Variants in CCDC126 observed in about 807,000 individuals in gnomAD.
CCDC126 encodes the protein coiled-coil domain-containing protein 126.
In CCDC126, 5 loss-of-function variants were observed where a neutral mutation model predicts 11.7. The observed-to-expected ratio is 0.43, with a 90% confidence interval of 0.22 to 0.90. The LOEUF (loss-of-function observed/expected upper bound fraction) is 0.90. Among genes scored for constraint, CCDC126 ranks in the 40% least tolerant of loss-of-function variants. The pLI, the probability that CCDC126 is intolerant of heterozygous loss-of-function variation, is 0.27. For synonymous variants in CCDC126, 60 were observed against 61.9 expected, an observed-to-expected ratio of 0.97 and a Z score of 0.14; for missense variants, 150 against 163.1, an observed-to-expected ratio of 0.92 and a Z score of 0.44.
At chr7:23,605,892 G>A (rs897463495) in intron 2 of CCDC126, among the ~76,000 whole-genome samples, 1 of 152,088 alleles carries the variant, frequency 6.6e-6, no homozygotes. Context: ...ATGCCATACT[G>A]TCTTCCCCAG....
intron 3 of CCDC126, among the ~76,000 whole-genome samples, chr7:23,624,528 A>G (rs909308136): frequency 5.9e-5 from 9 of 152,214 alleles, no homozygotes; most frequent in South Asian, 2.1e-4. Flanking sequence ...GCATTTGGCT[A>G]TATATTTTCT....
chr7:23,628,479 C>G (rs574216264), intron 3 of CCDC126, among the ~76,000 whole-genome samples: 289 of 152,328 alleles, frequency 1.9e-3, no homozygotes, highest in Middle Eastern at 0.01. Flanking sequence ...CAGCTCTCCT[C>G]TAGCCAAACA....
chr7:23,613,017 A>G (rs1782742752), intron 3 of CCDC126, among the ~76,000 whole-genome samples: 1 of 152,126 alleles, frequency 6.6e-6, no homozygotes, highest in South Asian at 2.1e-4. Flanking sequence ...TGTTTGTTTA[A>G]TTAAAAGTTA....
chr7:23,643,131 T>C lies in CCDC126; in HGVS notation c.*16T>C. 6.2e-7 allele frequency: 1 copy of C among 1,608,808 alleles called. No individual in the cohort carries two copies. The highest frequency in any genetic ancestry group is 1.1e-5 in the South Asian group (1 of 90,422). ...TATCAGATAGCAGTTGAAAATCACC[T>C]TGTGCTGCTCCATCCACTGTGGATT... On this transcript the variant is annotated 3_prime_UTR_variant, in exon 4 of 4. Transcript: ENST00000307471.
chr7:23,609,957 G>A (rs1364993667), intron 2 of CCDC126, among the ~76,000 whole-genome samples: 2 of 152,136 alleles, frequency 1.3e-5, no homozygotes, highest in African/African-American at 4.8e-5. Flanking sequence ...GTTCTGACTC[G>A]AGATACATTT....
At chr7:23,626,552 TATAG>T (rs1192548636) in intron 3 of CCDC126, among the ~76,000 whole-genome samples, 1 of 152,136 alleles carries the variant, frequency 6.6e-6, no homozygotes, top group African/African-American at 2.4e-5. Flanking sequence ...AGATTTGTTA[TATAG>T]ATAAACACGT....
At chr7:23,635,202 G>T (rs971906074) in intron 3 of CCDC126, among the ~76,000 whole-genome samples, 1 of 152,204 alleles carries the variant, frequency 6.6e-6, no homozygotes, top group Non-Finnish European at 1.5e-5. Flanking sequence ...CCAAACATGT[G>T]AATTAGACCT....
chr7:23,641,002 T>A (rs938153673), intron 3 of CCDC126, among the ~76,000 whole-genome samples: 2 of 146,880 alleles, frequency 1.4e-5, no homozygotes, highest in African/African-American at 2.6e-5. Context: ...GTTTTTTTTT[T>A]TTTTTTTTTT....
intron 3 of CCDC126, among the ~76,000 whole-genome samples, chr7:23,637,972 T>G (rs1584219524): frequency 1.9e-5 from 2 of 104,200 alleles, no homozygotes; most frequent in Non-Finnish European, 2.0e-5. Context: ...GGTGGGGGGG[T>G]CAGCCCCCCG....
intron 3 of CCDC126, among the ~76,000 whole-genome samples, chr7:23,613,404 A>G (rs1026864086): frequency 6.6e-6 from 1 of 152,178 alleles, no homozygotes; most frequent in African/African-American, 2.4e-5. Context: ...TACTCCCAAA[A>G]GTCCTCAAAT....
At chr7:23,631,040 C>T (rs1783101991) in intron 3 of CCDC126, among the ~76,000 whole-genome samples, 1 of 151,626 alleles carries the variant, frequency 6.6e-6, no homozygotes, top group African/African-American at 2.4e-5. Context: ...GCACTAAGTG[C>T]ATAAATCAGA....
At chr7:23,608,979 C>T (rs931143848) in intron 2 of CCDC126, among the ~76,000 whole-genome samples, 1 of 151,614 alleles carries the variant, frequency 6.6e-6, no homozygotes, top group Non-Finnish European at 1.5e-5. Context: ...CCTCTTGCAC[C>T]GAGTCACTTC....
intron 2 of CCDC126, among the ~76,000 whole-genome samples, chr7:23,609,686 G>A (rs1322482080): frequency 1.3e-5 from 2 of 151,880 alleles, no homozygotes; most frequent in Non-Finnish European, 2.9e-5. Context: ...TGGCAACATG[G>A]CAAAAGCCCT....
At chr7:23,622,486 C>A in intron 3 of CCDC126, 1 of 443,152 alleles carries the variant, frequency 2.3e-6, no homozygotes, top group Non-Finnish European at 4.5e-6. Context: ...ACTTTATCAA[C>A]TTTTCCTTAA....
At chr7:23,621,383 G>C (rs925746908) in intron 3 of CCDC126, among the ~76,000 whole-genome samples, 17 of 152,058 alleles carry the variant, frequency 1.1e-4, no homozygotes, top group Non-Finnish European at 2.2e-4. Context: ...CTCTGTTTGT[G>C]TGTTATTGGT....
intron 3 of CCDC126, among the ~76,000 whole-genome samples, chr7:23,628,400 C>G (rs1298046485): frequency 6.6e-6 from 1 of 152,152 alleles, no homozygotes; most frequent in African/African-American, 2.4e-5. Context: ...AGAAAAAGCC[C>G]CAACAAAAGC....
At chr7:23,605,273 G>T (rs971839549) in intron 2 of CCDC126, among the ~76,000 whole-genome samples, 11 of 152,058 alleles carry the variant, frequency 7.2e-5, no homozygotes, top group African/African-American at 2.7e-4. Flanking sequence ...AGAGAAATGG[G>T]TAGAAGTCAG....
At chr7:23,617,348 C>CAAAAAAA (rs35391703) in intron 3 of CCDC126, among the ~76,000 whole-genome samples, 7 of 36,216 alleles carry the variant, frequency 1.9e-4, no homozygotes, top group South Asian at 1.3e-3. Flanking sequence ...ATGCTGTCTC[C>CAAAAAAA]AAAAAAAAAA....
At chr7:23,624,348 G>GTAAC (rs1239800980) in intron 3 of CCDC126, among the ~76,000 whole-genome samples, 1 of 152,128 alleles carries the variant, frequency 6.6e-6, no homozygotes, top group Non-Finnish European at 1.5e-5. Context: ...AAATAATGAT[G>GTAAC]GTTAGTCTGG....
Sources: allele counts gnomAD v4.1 joint callset (sites outside exome capture counted in the v4.1 genomes callset), GRCh38; gene constraint gnomAD v4.1.1; transcripts MANE v1.5; gene names NCBI Gene and HGNC (gene_info 2026-07-23, HGNC 2026-07-21).